Variants in NDUFS4 observed in about 807,000 individuals in gnomAD.
The protein encoded by NDUFS4 is NADH:ubiquinone oxidoreductase subunit S4, also known as NADH dehydrogenase [ubiquinone] iron-sulfur protein 4, mitochondrial.
In NDUFS4, 28 loss-of-function variants were observed where a neutral mutation model predicts 24.3. The ratio of observed to expected loss-of-function variants is 1.15; its 90% CI spans 0.85 to 1.58. The LOEUF (loss-of-function observed/expected upper bound fraction) is 1.58, where lower values mean the gene tolerates loss of function less well. NDUFS4 is among the 40% of genes most tolerant of loss of function. The pLI is 0.00. For synonymous variants in NDUFS4, 93 were observed against 69.7 expected (o/e 1.34, Z -1.67); for missense variants, 223 against 207.9 (o/e 1.07, Z -0.45).
At chr5:53,615,831 C>G (rs1466923183) in intron 2 of NDUFS4, among the ~76,000 whole-genome samples, 9 of 151,878 alleles carry the variant, frequency 5.9e-5, no homozygotes, top group Admixed American at 3.9e-4. Flanking sequence ...AGAAATATAC[C>G]AAAATGTTGG....
At chr5:53,631,607 C>G (rs1751412408) in intron 2 of NDUFS4, among the ~76,000 whole-genome samples, 1 of 152,186 alleles carries the variant, frequency 6.6e-6, no homozygotes, top group Admixed American at 6.5e-5. Flanking sequence ...TCTAGAGAGG[C>G]AGTCAGCCTT....
intron 1 of NDUFS4, among the ~76,000 whole-genome samples, chr5:53,572,051 A>G (rs1216303206): frequency 2.6e-5 from 4 of 152,210 alleles, no homozygotes; most frequent in Non-Finnish European, 5.9e-5. Flanking sequence ...GTAACATGGG[A>G]GCTTTCATAA....
chr5:53,635,034 G>A (rs3103596), intron 2 of NDUFS4, among the ~76,000 whole-genome samples: 151,865 of 151,872 alleles, frequency 1, 75,929 homozygotes, highest in Middle Eastern at 1. Context: ...TACTAAAAAT[G>A]TAAAAATTAG....
intron 4 of NDUFS4, among the ~76,000 whole-genome samples, chr5:53,675,650 C>T (rs1444905852): frequency 1.3e-5 from 2 of 152,168 alleles, no homozygotes; most frequent in Non-Finnish European, 2.9e-5. Flanking sequence ...TACCAAAGAG[C>T]TGTTCTTTTC....
At chr5:53,606,348 G>C (rs777731134) in intron 2 of NDUFS4, among the ~76,000 whole-genome samples, 12 of 152,086 alleles carry the variant, frequency 7.9e-5, no homozygotes, top group Non-Finnish European at 1.3e-4. Flanking sequence ...AGTGGGAGCA[G>C]GCACATCATA....
At chr5:53,576,025 A>G (rs1228647281) in intron 1 of NDUFS4, among the ~76,000 whole-genome samples, 1 of 152,260 alleles carries the variant, frequency 6.6e-6, no homozygotes, top group Non-Finnish European at 1.5e-5. Context: ...AGGAAAATAC[A>G]TTGAATCACT....
chr5:53,603,804 T>G (rs1297257955), intron 2 of NDUFS4, among the ~76,000 whole-genome samples: 1 of 152,180 alleles, frequency 6.6e-6, no homozygotes, highest in Non-Finnish European at 1.5e-5. Context: ...CATTCATTAC[T>G]TTTTGTAATG....
intron 4 of NDUFS4, among the ~76,000 whole-genome samples, chr5:53,662,653 ATTAT>A (rs1752380118): frequency 6.6e-6 from 1 of 152,136 alleles, no homozygotes; most frequent in Non-Finnish European, 1.5e-5. Context: ...TAATCTATTA[ATTAT>A]TGCCTCAATT....
chr5:53,564,240 G>A (rs1748948896), intron 1 of NDUFS4, among the ~76,000 whole-genome samples: 1 of 152,182 alleles, frequency 6.6e-6, no homozygotes, highest in Non-Finnish European at 1.5e-5. Context: ...ATAGTAAGCA[G>A]TCCTTAAGGT....
chr5:53,565,475 T>G lies in NDUFS4; in HGVS notation c.98+4715T>G, dbSNP rs182574987. On this transcript the variant is annotated intron_variant, in intron 1 of 4. Coordinates refer to ENST00000296684, the MANE Select transcript of NDUFS4 (RefSeq NM_002495.4). ...CTTCATGGCATCTAGTGTAATGGCTTGCATGTAGCAGGTAAATGCTTATCT... is the reference window on the plus strand; with the variant it reads ...CTTCATGGCATCTAGTGTAATGGCTGGCATGTAGCAGGTAAATGCTTATCT... Among the ~76,000 whole-genome samples the G allele has an allele frequency of 4.4e-3, 670 of 152,336 alleles. 1 individual carries two copies. Among genetic ancestry groups the G allele is most frequent in the Non-Finnish European group, 8.1e-3 (550 of 68,032 alleles).
chr5:53,668,481 CAG>C (rs1248400340), intron 4 of NDUFS4, among the ~76,000 whole-genome samples: 1 of 151,856 alleles, frequency 6.6e-6, no homozygotes, highest in African/African-American at 2.4e-5. Context: ...GGGCTGGAGA[CAG>C]AGTCTCACTC....
chr5:53,643,171 G>C (rs1012705657), intron 2 of NDUFS4, among the ~76,000 whole-genome samples: 4 of 151,992 alleles, frequency 2.6e-5, no homozygotes, highest in Admixed American at 2.6e-4. Context: ...TCAGGTGCCA[G>C]CTTGAAGGCT....
At chr5:53,632,351 CTCT>C (rs772925516) in intron 2 of NDUFS4, among the ~76,000 whole-genome samples, 13 of 152,282 alleles carry the variant, frequency 8.5e-5, no homozygotes, top group African/African-American at 2.9e-4. Context: ...CATAGAGTTG[CTCT>C]TCTTCTTACG....
intron 4 of NDUFS4, among the ~76,000 whole-genome samples, chr5:53,661,315 A>G (rs1303317773): frequency 2.6e-5 from 4 of 152,170 alleles, no homozygotes; most frequent in Admixed American, 1.3e-4. Flanking sequence ...ACTTGTAGAT[A>G]TGCGGCATTA....
intron 4 of NDUFS4, 74 bp from the exon 5 acceptor site, chr5:53,683,044 C>T (rs533640227): frequency 2.6e-5 from 25 of 958,234 alleles, no homozygotes; most frequent in Non-Finnish European, 3.8e-5. Context: ...AAAAGCTAGC[C>T]TCTGCTTGCT....
At chr5:53,682,102 A>G (rs962444460) in intron 4 of NDUFS4, among the ~76,000 whole-genome samples, 16 of 152,128 alleles carry the variant, frequency 1.1e-4, no homozygotes, top group African/African-American at 3.9e-4. Context: ...AGAAGAATAA[A>G]TTACAGGTGT....
chr5:53,617,431 C>A (rs1357869577), intron 2 of NDUFS4, among the ~76,000 whole-genome samples: 1 of 152,056 alleles, frequency 6.6e-6, no homozygotes, highest in East Asian at 1.9e-4. Flanking sequence ...TTATTCCCTT[C>A]CATTTTTTTC....
In NDUFS4 at chr5:53,582,126, G is replaced by A. The variant is rs1333736275; in HGVS notation, c.99-21326G>A. On this transcript the variant is annotated intron_variant, in intron 1 of 4. Transcript: ENST00000296684. ...CTTGGGAGGCTGAGGCAGGAGAATGGTGTGAACCCAGGAGGCGGAGCTTGC... is the reference window on the plus strand; with the variant it reads ...CTTGGGAGGCTGAGGCAGGAGAATGATGTGAACCCAGGAGGCGGAGCTTGC... 2.6e-5 allele frequency among the ~76,000 whole-genome samples: 4 copies of A among 152,124 alleles called. No homozygotes were observed. The East Asian group carries it at 7.8e-4, about 29-fold the overall frequency.
intron 1 of NDUFS4, chr5:53,573,573 T>G: frequency 2.2e-6 from 1 of 451,716 alleles, no homozygotes; most frequent in Non-Finnish European, 4.4e-6. Context: ...AGCATTGCTT[T>G]TAAAATTTTC....
Sources: allele counts gnomAD v4.1 joint callset (sites outside exome capture counted in the v4.1 genomes callset), GRCh38; gene constraint gnomAD v4.1.1; transcripts MANE v1.5; gene names NCBI Gene and HGNC (gene_info 2026-07-23, HGNC 2026-07-21).